Variants in SLC13A3 observed in about 807,000 individuals in gnomAD.
SLC13A3 encodes the protein solute carrier family 13 member 3.
A neutral mutation model predicts 59.0 loss-of-function variants in SLC13A3; 40 were observed. The ratio of observed to expected loss-of-function variants is 0.68; its 90% CI spans 0.53 to 0.88. The LOEUF is 0.88. SLC13A3 is among the 40% of genes least tolerant of loss of function. SLC13A3 has a pLI of 0.00. For missense variants in SLC13A3, 699 were observed against 783.2 expected (o/e 0.89, Z 1.28); for synonymous variants, 317 against 330.3 (o/e 0.96, Z 0.44).
chr20:46,647,932 T>C (rs1330567721), intron 1 of SLC13A3, among the ~76,000 whole-genome samples: 1 of 152,226 alleles, frequency 6.6e-6, no homozygotes, highest in Non-Finnish European at 1.5e-5. Context: ...TTTCGCAAGT[T>C]GTTAGTGATC....
intron 1 of SLC13A3, among the ~76,000 whole-genome samples, chr20:46,659,633 C>T (rs1001395993): frequency 2.0e-5 from 3 of 150,890 alleles, no homozygotes; most frequent in African/African-American, 4.9e-5. Context: ...GAGGATAGCT[C>T]GAGCCCGGGG....
intron 8 of SLC13A3, chr20:46,584,109 C>G: frequency 4.1e-6 from 4 of 985,378 alleles, no homozygotes; most frequent in Non-Finnish European, 4.8e-6. Context: ...ACCAGTGGAA[C>G]CCAGATTGAC....
intron 1 of SLC13A3, among the ~76,000 whole-genome samples, chr20:46,662,678 T>C (rs2063038457): frequency 6.6e-6 from 1 of 152,222 alleles, no homozygotes; most frequent in Non-Finnish European, 1.5e-5. Context: ...AGATCCAAAA[T>C]GTTCTGATGA....
In SLC13A3 at chr20:46,610,439, G is replaced by C; in HGVS notation, c.541+7C>G. 2.9e-5 allele frequency: 46 copies of C among 1,609,094 alleles called. No individual in the cohort carries two copies. Among genetic ancestry groups the C allele is most frequent in the Non-Finnish European group, 3.9e-5 (46 of 1,177,604 alleles). ...GATTTGGCCCCAATCCCTTAGCACA[G>C]CCTCACCTGTGTTCTCTTCACTCTC... On this transcript the variant is annotated splice_region_variant and intron_variant, in intron 3 of 12. Coordinates refer to ENST00000279027, the MANE Select transcript of SLC13A3 (RefSeq NM_022829.6).
chr20:46,666,265 GGA>G (rs2063061935), intron 1 of SLC13A3, among the ~76,000 whole-genome samples: 3 of 152,202 alleles, frequency 2.0e-5, no homozygotes, highest in Non-Finnish European at 4.4e-5. Flanking sequence ...ATTATACCGT[GGA>G]GAGAGTCTCA....
chr20:46,659,712 T>TCC lies in SLC13A3; in HGVS notation c.-31+10329_-31+10330dup, dbSNP rs34518362. Among the ~76,000 whole-genome samples the TCC allele has an allele frequency of 9.2e-3, 723 of 78,530 alleles. 13 individuals carry two copies. The highest frequency in any genetic ancestry group is 0.032 in the African/African-American group (663 of 20,754). 51.5% of individuals were successfully genotyped at this position (78,530 alleles called of 152,430 possible). A position where few individuals can be genotyped will look rare whatever the true frequency, so the allele number is the denominator to read the frequency against. ...GCCTGGGTGACAGAGTGAGACCCTA[T>TCC]CCCCCCCCCCCAAAAAAAAAAAGAA... is the stretch of plus-strand genomic sequence containing the variant. On this transcript the variant is annotated intron_variant, in intron 1 of 12. Coordinates refer to the SLC13A3 transcript ENST00000290317.
intron 1 of SLC13A3, among the ~76,000 whole-genome samples, chr20:46,665,838 A>G (rs1288905702): frequency 6.6e-6 from 1 of 152,226 alleles, no homozygotes; most frequent in East Asian, 1.9e-4. Flanking sequence ...AGGTGTCTGC[A>G]CTATTTCACA....
chr20:46,644,657 C>T (rs894699391), intron 1 of SLC13A3, among the ~76,000 whole-genome samples: 2 of 152,214 alleles, frequency 1.3e-5, no homozygotes, highest in African/African-American at 4.8e-5. Context: ...ACTCTTCCTG[C>T]ATCACACTGC....
chr20:46,588,474 G>A (rs2062217209), intron 7 of SLC13A3, among the ~76,000 whole-genome samples: 1 of 152,148 alleles, frequency 6.6e-6, no homozygotes, highest in African/African-American at 2.4e-5. Flanking sequence ...TCAAGAAAGT[G>A]AGAAACAGAG....
chr20:46,662,153 G>A (rs1389626869), intron 1 of SLC13A3, among the ~76,000 whole-genome samples: 1 of 152,132 alleles, frequency 6.6e-6, no homozygotes, highest in Non-Finnish European at 1.5e-5. Flanking sequence ...CCCCCATTAT[G>A]ATCTTGGCAT....
At chr20:46,675,405 C>G (rs924173416) in intron 1 of SLC13A3, among the ~76,000 whole-genome samples, 2 of 112,666 alleles carry the variant, frequency 1.8e-5, no homozygotes, top group Admixed American at 1.8e-4. Flanking sequence ...AATTTTTTTT[C>G]TTTTTTTTTT....
upstream of SLC13A3, among the ~76,000 whole-genome samples, chr20:46,655,267 A>G (rs1228089441): frequency 2.0e-5 from 3 of 150,012 alleles, no homozygotes; most frequent in African/African-American, 7.4e-5. Flanking sequence ...ATATACACAT[A>G]TGTATACACA....
At chr20:46,626,767 G>A (rs1256603781) in intron 1 of SLC13A3, among the ~76,000 whole-genome samples, 2 of 137,126 alleles carry the variant, frequency 1.5e-5, no homozygotes, top group African/African-American at 5.4e-5. Flanking sequence ...GGACTTGGAG[G>A]CAGGGACTAG....
At position 46,575,603 on chromosome 20, in the gene SLC13A3, T is replaced by A; in HGVS notation, c.1302A>T (p.Gly434=). The change falls in exon 10 of 13, where the codon GGA becomes GGT. Residue 434 remains glycine (G), a synonymous_variant. Transcript: ENST00000279027. ...TVPWNIILLL[G]GGFAMAKGCE... ...AGCCTTTGGCCATGGCGAAGCCCCC[T>A]CCCAGGAGAAGGATGATGTTCCAGG... is the stretch of plus-strand genomic sequence containing the variant. 6.2e-7 allele frequency: 1 copy of A among 1,606,210 alleles called. No homozygotes were observed. Among genetic ancestry groups the A allele is most frequent in the Non-Finnish European group, 8.5e-7 (1 of 1,176,118 alleles).
chr20:46,578,403 TG>T (rs2062100095), intron 9 of SLC13A3, among the ~76,000 whole-genome samples: 1 of 151,730 alleles, frequency 6.6e-6, no homozygotes, highest in Non-Finnish European at 1.5e-5. Context: ...TGGCCGGGCA[TG>T]GTGGTTCACG....
intron 9 of SLC13A3, among the ~76,000 whole-genome samples, chr20:46,579,693 C>T (rs1461061289): frequency 2.6e-5 from 4 of 152,220 alleles, no homozygotes; most frequent in South Asian, 2.1e-4. Flanking sequence ...CCAGACTTAA[C>T]ACACATGTTT....
Position 46,660,701 on chromosome 20 carries a change from G to A in SLC13A3, c.-31+9342C>T, listed in dbSNP as rs76069436. Among the ~76,000 whole-genome samples the A allele has an allele frequency of 3.2e-3, 494 of 152,172 alleles. 7 individuals are homozygous for A. Among genetic ancestry groups the A allele is most frequent in the African/African-American group, 0.011 (447 of 41,508 alleles). The stretch of plus-strand genomic sequence containing the variant: ...TTTCATCAATTTTGGTATATTTCCC[G>A]TCATTATCTCTTCAAATACCTCTTT... On this transcript the variant is annotated intron_variant, in intron 1 of 12. Coordinates refer to the SLC13A3 transcript ENST00000290317.
intron 1 of SLC13A3, among the ~76,000 whole-genome samples, chr20:46,650,418 TTAAA>T (rs1027320287): frequency 3.9e-5 from 6 of 152,122 alleles, no homozygotes; most frequent in Admixed American, 6.5e-5. Flanking sequence ...GTTGAAATGA[TTAAA>T]TAAAGTGATA....
At chr20:46,616,383 C>G (rs187311937) in intron 1 of SLC13A3, among the ~76,000 whole-genome samples, 1 of 152,190 alleles carries the variant, frequency 6.6e-6, no homozygotes, top group Non-Finnish European at 1.5e-5. Context: ...TCCACCTATC[C>G]TGGCAGCCCC....
Sources: allele counts gnomAD v4.1 joint callset (sites outside exome capture counted in the v4.1 genomes callset), GRCh38; gene constraint gnomAD v4.1.1; transcripts MANE v1.5; gene names NCBI Gene and HGNC (gene_info 2026-07-23, HGNC 2026-07-21).